Variants in IP6K1 observed in about 807,000 individuals in gnomAD.
IP6K1 encodes the protein inositol hexakisphosphate kinase 1.
IP6K1 carries 13 observed loss-of-function variants against 38.3 expected under a neutral mutation model. The observed-to-expected ratio is 0.34, with a 90% confidence interval of 0.22 to 0.54. The LOEUF is 0.54. Among genes scored for constraint, IP6K1 ranks in the 20% least tolerant of loss-of-function variants. The pLI is 0.92. For synonymous variants in IP6K1, 212 were observed against 229.9 expected (o/e 0.92, Z 0.70); for missense variants, 397 against 599.8 (o/e 0.66, Z 3.53).
rs149393840 is a variant in IP6K1 at position 49,784,120 on chromosome 3, G to A, written c.-129+2234C>T. Reference sequence around the variant, plus strand: ...CAACCTCCGCTTTCCGGGTTCAGGTGATTCTCCTGCCTCAGCCTCCATGCA... The same window carrying A: ...CAACCTCCGCTTTCCGGGTTCAGGTAATTCTCCTGCCTCAGCCTCCATGCA... On this transcript the variant is annotated intron_variant, in intron 1 of 5. Transcript: ENST00000321599. Among the ~76,000 whole-genome samples, 100 of 152,156 alleles carry A rather than the reference G, an allele frequency of 6.6e-4. 1 individual carries two copies. The East Asian group carries it at 0.013, about 20-fold the overall frequency.
intron 1 of IP6K1, among the ~76,000 whole-genome samples, chr3:49,774,934 T>C (rs890533450): frequency 6.6e-6 from 1 of 152,174 alleles, no homozygotes; most frequent in African/African-American, 2.4e-5. Context: ...AGTCATATTT[T>C]CATTAACCAA....
intron 4 of IP6K1, 104 bp downstream of exon 4, chr3:49,732,687 G>A (rs938407714): frequency 4.9e-5 from 43 of 874,204 alleles, no homozygotes; most frequent in African/African-American, 2.9e-4. Flanking sequence ...AGATTAAACC[G>A]AAGAGGGACC....
At chr3:49,728,479 G>T (rs185811095) in intron 4 of IP6K1, 2 of 558,474 alleles carry the variant, frequency 3.6e-6, no homozygotes, top group South Asian at 2.6e-5. Context: ...ATTTACTTCA[G>T]CCATTTTTAA....
At chr3:49,736,962 C>A (rs1219933500) in intron 3 of IP6K1, among the ~76,000 whole-genome samples, 1 of 151,506 alleles carries the variant, frequency 6.6e-6, no homozygotes, top group Non-Finnish European at 1.5e-5. Context: ...TTAGTAGAGA[C>A]AGGGTTTCAC....
At chr3:49,775,390 G>A (rs2080998239) in intron 1 of IP6K1, 1 of 366,178 alleles carries the variant, frequency 2.7e-6, no homozygotes, top group Non-Finnish European at 5.3e-6. Context: ...TTGTGACTTT[G>A]TGCGTCCCTG....
At chr3:49,767,774 G>GTGAA (rs2080924163) in intron 1 of IP6K1, among the ~76,000 whole-genome samples, 1 of 152,048 alleles carries the variant, frequency 6.6e-6, no homozygotes, top group African/African-American at 2.4e-5. Flanking sequence ...TTTAAAAAGA[G>GTGAA]TGAAAACATC....
intron 1 of IP6K1, among the ~76,000 whole-genome samples, chr3:49,771,543 T>A (rs965453613): frequency 6.6e-6 from 1 of 152,156 alleles, no homozygotes; most frequent in African/African-American, 2.4e-5. Context: ...AAAAACACAC[T>A]ACAACACACT....
Position 49,728,288 on chromosome 3 carries a change from G to A in IP6K1, c.617-10C>T, listed in dbSNP as rs191955742. Reference sequence around the variant, plus strand: ...TCAAGCAGGAGGAACTCTGGGCCACGGTCAAGGAGAATGACAACCACACTC... The same window carrying A: ...TCAAGCAGGAGGAACTCTGGGCCACAGTCAAGGAGAATGACAACCACACTC... On this transcript the variant is annotated splice_polypyrimidine_tract_variant and intron_variant, in intron 4 of 5. Coordinates refer to ENST00000321599, the MANE Select transcript of IP6K1 (RefSeq NM_153273.4). 8.0e-5 allele frequency: 129 copies of A among 1,609,416 alleles called. No individual in the cohort carries two copies. The highest frequency in any genetic ancestry group is 4.0e-4 in the Admixed American group (24 of 59,956).
At chr3:49,764,192 G>C (rs920593939) in intron 1 of IP6K1, among the ~76,000 whole-genome samples, 40 of 151,716 alleles carry the variant, frequency 2.6e-4, no homozygotes, top group Admixed American at 2.6e-3. Flanking sequence ...GACCAGCCTG[G>C]GCAACATAGT....
intron 1 of IP6K1, among the ~76,000 whole-genome samples, chr3:49,764,344 T>C (rs889839955): frequency 3.3e-5 from 5 of 151,042 alleles, no homozygotes; most frequent in Non-Finnish European, 2.9e-5. Flanking sequence ...ATTGTACCAC[T>C]GCACTGCAGC....
At chr3:49,773,710 T>C (rs1346122916) in intron 1 of IP6K1, among the ~76,000 whole-genome samples, 4 of 152,244 alleles carry the variant, frequency 2.6e-5, no homozygotes, top group African/African-American at 9.6e-5. Flanking sequence ...ATATTTTCTA[T>C]GCTAGTGAAC....
chr3:49,751,362 A>G (rs1351411272), intron 1 of IP6K1, among the ~76,000 whole-genome samples: 1 of 152,016 alleles, frequency 6.6e-6, no homozygotes, highest in African/African-American at 2.4e-5. Context: ...GGGTTTCACC[A>G]TGTTGGCCAA....
rs538539084 is a variant in IP6K1 at position 49,751,334 on chromosome 3, G to C, written c.-128-3166C>G. 2.6e-5 allele frequency among the ~76,000 whole-genome samples: 4 copies of C among 152,176 alleles called. No homozygotes were observed. In the East Asian group the frequency reaches 7.7e-4, roughly 29 times the overall value. ...ATGCCACCACACCCAGCTAATTTTT[G>C]TATTTTTAGTGGAGACGGGGTTTCA... is the stretch of plus-strand genomic sequence containing the variant. On this transcript the variant is annotated intron_variant, in intron 1 of 5. Coordinates refer to ENST00000321599, the MANE Select transcript of IP6K1 (RefSeq NM_153273.4).
At chr3:49,764,979 A>T (rs2080899016) in intron 1 of IP6K1, among the ~76,000 whole-genome samples, 1 of 152,144 alleles carries the variant, frequency 6.6e-6, no homozygotes, top group South Asian at 2.1e-4. Flanking sequence ...AACTATTGAA[A>T]CCAAAAGACA....
chr3:49,771,642 T>C (rs545202151), intron 1 of IP6K1, among the ~76,000 whole-genome samples: 6 of 152,240 alleles, frequency 3.9e-5, no homozygotes, highest in East Asian at 1.9e-4. Context: ...AAAGGTATTA[T>C]AGTTTCCTAT....
intron 4 of IP6K1, among the ~76,000 whole-genome samples, chr3:49,729,252 T>C (rs1190524802): frequency 6.6e-6 from 1 of 152,200 alleles, no homozygotes; most frequent in Non-Finnish European, 1.5e-5. Context: ...GTATTCAAGA[T>C]TCATTTATGT....
intron 1 of IP6K1, among the ~76,000 whole-genome samples, chr3:49,776,927 T>C (rs934620010): frequency 1.3e-5 from 2 of 152,150 alleles, no homozygotes; most frequent in Non-Finnish European, 2.9e-5. Flanking sequence ...GAGTACCTTC[T>C]ATGACTAACT....
At chr3:49,733,019 T>C (rs748003808) in intron 3 of IP6K1, 47 bp from the exon 4 acceptor site, 2 of 1,437,910 alleles carry the variant, frequency 1.4e-6, no homozygotes, top group South Asian at 2.4e-5. Context: ...AGGCAAGTCA[T>C]CCTCTGGGGT....
chr3:49,727,266 A>G lies in IP6K1; in HGVS notation c.1182T>C (p.Asp394=), dbSNP rs2080515286. The change falls in exon 6 of 6, where the codon GAT becomes GAC. Residue 394 remains aspartate (D), a synonymous_variant. Transcript: ENST00000321599. This position sits in a 1 kb window ranked among gnomAD's most constrained non-coding sequence, Gnocchi z 5.9. ...EAGPSSQPKV[D]VRMIDFAHST... is the part of the protein sequence containing the mutation. ...TGTGTGCAAAGTCAATCATGCGGACATCCACCTTGGGCTGAGAGGAGGGAC... is the reference window on the plus strand; with the variant it reads ...TGTGTGCAAAGTCAATCATGCGGACGTCCACCTTGGGCTGAGAGGAGGGAC... 1 of 1,614,170 alleles carries G rather than the reference A, an allele frequency of 6.2e-7. No homozygotes were observed. The highest frequency in any genetic ancestry group is 8.5e-7 in the Non-Finnish European group (1 of 1,180,030).
Sources: allele counts gnomAD v4.1 joint callset (sites outside exome capture counted in the v4.1 genomes callset), GRCh38; gene constraint gnomAD v4.1.1; non-coding constraint Gnocchi (gnomAD v3.1); transcripts MANE v1.5; gene names NCBI Gene and HGNC (gene_info 2026-07-23, HGNC 2026-07-21).